SLFN5: variants seen among roughly 807,000 people sequenced by gnomAD.
The protein encoded by SLFN5 is schlafen family member 5.
Under a neutral mutation model 48.5 loss-of-function variants are expected in SLFN5, and 34 were observed. That is an observed-to-expected ratio of 0.70 (90% CI 0.53 to 0.93). The LOEUF is 0.93. Among genes scored for constraint, SLFN5 ranks in the 40% least tolerant of loss-of-function variants. The pLI is 0.00. For synonymous variants in SLFN5, 387 were observed against 396.2 expected, an observed-to-expected ratio of 0.98 and a Z score of 0.28; for missense variants, 1,006 against 1,071.3, an observed-to-expected ratio of 0.94 and a Z score of 0.85.
rs1904867782 is a variant in SLFN5, at chr17:35,272,905, AGTT to A, written c.*7018_*7020del. ...CTTCTACTGAGAACAATCCGGCAGT[AGTT>A]AACAAAATTGTGAATGCATATATCT... is the stretch of plus-strand genomic sequence containing the variant. On this transcript the variant is annotated 3_prime_UTR_variant, in exon 5 of 5. Transcript: ENST00000299977. 1 of 152,210 alleles carries A rather than the reference AGTT, an allele frequency of 6.6e-6. No homozygotes were observed. Among genetic ancestry groups the A allele is most frequent in the South Asian group, 2.1e-4 (1 of 4,836 alleles). The allele number at this position is 152,210 out of a possible 1,614,324, so 9.4% of individuals were successfully genotyped here. A position where few individuals can be genotyped will look rare whatever the true frequency, so the allele number is the denominator to read the frequency against.
At chr17:35,254,287 A>G (rs2092449841) in intron 1 of SLFN5, among the ~76,000 whole-genome samples, 2 of 152,028 alleles carry the variant, frequency 1.3e-5, no homozygotes, top group South Asian at 4.1e-4. Context: ...TGTCAATTGC[A>G]TGGTCTTAGG....
Position 35,264,640 on chromosome 17 carries a change from C to T in SLFN5, c.1596C>T (p.Ser532=), listed in dbSNP as rs772485758. ...AGCACATGGAAGCCCTGTTACAGTC[C>T]CTCGTGATAGTCTTGCTTGGGTTCA... ...TPQHMEALLQ[S]LVIVLLGFKS... is the part of the protein sequence containing the mutation. The change falls in exon 4 of 5, where the codon TCC becomes TCT. Residue 532 remains serine (S), a synonymous_variant. Coordinates refer to ENST00000299977, the MANE Select transcript of SLFN5 (RefSeq NM_144975.4). 9 of 1,614,098 alleles carry T rather than the reference C, an allele frequency of 5.6e-6. No individual in the cohort carries two copies. In the Admixed American group the frequency reaches 1.3e-4, roughly 24 times the overall value.
chr17:35,265,915 T>C lies in SLFN5; in HGVS notation c.*27T>C. The C allele has an allele frequency of 6.5e-7, 1 of 1,547,096 alleles. No individual in the cohort carries two copies. Among genetic ancestry groups the C allele is most frequent in the Non-Finnish European group, 8.7e-7 (1 of 1,150,274 alleles). ...AGGAAACCCAAGCCTAAGAAACAAT[T>C]AAGTGGTTCTCATCTCTAATTAACT... On this transcript the variant is annotated 3_prime_UTR_variant, in exon 5 of 5. Transcript: ENST00000299977.
chr17:35,244,324 T>TA (rs1358981055), intron 1 of SLFN5, among the ~76,000 whole-genome samples: 1 of 152,026 alleles, frequency 6.6e-6, no homozygotes, highest in Non-Finnish European at 1.5e-5. Context: ...CCTTTGTCAC[T>TA]AGTGCAGGCA....
chr17:35,264,318 G>C lies in SLFN5; in HGVS notation c.1274G>C (p.Trp425Ser), dbSNP rs1904609588. 2 of 1,614,020 alleles carry C rather than the reference G, an allele frequency of 1.2e-6. No individual in the cohort carries two copies. The highest frequency in any genetic ancestry group is 2.7e-5 in the African/African-American group (2 of 74,896). ...GGAATATTGATTTTTTCTCAAAGCT[G>C]GGCTGTGGATTTAGGTCTGCAAGAG... ...SQGILIFSQS[W>S]AVDLGLQEKQ... The change falls in exon 4 of 5, where the codon TGG (tryptophan) becomes TCG (serine). Residue 425 changes from tryptophan (W) to serine (S), a missense_variant. Trp to Ser is a radical substitution (Grantham distance 177, BLOSUM62 -3). Transcript: ENST00000299977.
Position 35,265,638 on chromosome 17 carries a change from C to G in SLFN5, c.2426C>G (p.Thr809Arg). The change falls in exon 5 of 5, where the codon ACA (threonine) becomes AGA (arginine). Residue 809 changes from threonine (T) to arginine (R), a missense_variant. Thr to Arg is a moderately conservative substitution (Grantham distance 71). Transcript: ENST00000299977. ...EVEKYKDRLL[T>R]AMRKRKLSQL... is the part of the protein sequence containing the mutation. ...GAAAAATATAAAGACAGGCTTCTAA[C>G]AGCAATGAGGAAGAGAAAACTGTCT... 1 of 1,614,226 alleles carries G rather than the reference C, an allele frequency of 6.2e-7. No individual in the cohort carries two copies.
intron 1 of SLFN5, among the ~76,000 whole-genome samples, chr17:35,252,625 T>G (rs2092445019): frequency 6.6e-6 from 1 of 152,328 alleles, no homozygotes; most frequent in South Asian, 2.1e-4. Context: ...TCAGTATTTT[T>G]TTTTTTCACA....
intron 1 of SLFN5, among the ~76,000 whole-genome samples, chr17:35,251,898 G>C (rs55764528): frequency 5.3e-5 from 8 of 151,846 alleles, no homozygotes; most frequent in South Asian, 2.1e-4. Context: ...AATTTTAGTA[G>C]AAACAGGGTT....
chr17:35,263,526 T>C (rs1904580380), intron 3 of SLFN5, among the ~76,000 whole-genome samples: 1 of 152,126 alleles, frequency 6.6e-6, no homozygotes, highest in African/African-American at 2.4e-5. Context: ...AGTCATCCTT[T>C]AATAATCAGC....
chr17:35,249,465 A>G (rs2092437653), intron 1 of SLFN5, among the ~76,000 whole-genome samples: 1 of 152,232 alleles, frequency 6.6e-6, no homozygotes. Context: ...AACTATAAAT[A>G]CAGGTGGTCA....
chr17:35,253,106 G>A (rs2092446167), intron 1 of SLFN5, among the ~76,000 whole-genome samples: 1 of 152,042 alleles, frequency 6.6e-6, no homozygotes. Flanking sequence ...TATCTGGAGA[G>A]GGCCCTCATA....
At position 35,269,519 on chromosome 17, in the gene SLFN5, A is replaced by G. The variant is rs1272414380; in HGVS notation, c.*3631A>G. The G allele has an allele frequency of 6.6e-6, 1 of 152,220 alleles. No homozygotes were observed. The highest frequency in any genetic ancestry group is 1.5e-5 in the Non-Finnish European group (1 of 68,030). 9.4% of individuals were successfully genotyped at this position (152,220 alleles called of 1,614,324 possible). A position where few individuals can be genotyped will look rare whatever the true frequency, so the allele number is the denominator to read the frequency against. ...CAAACAAAAATAATTTATTGGAATC[A>G]TTAGGGAGGACCTGATAGAATAAAA... is the stretch of plus-strand genomic sequence containing the variant. On this transcript the variant is annotated 3_prime_UTR_variant, in exon 5 of 5. Coordinates refer to ENST00000299977, the MANE Select transcript of SLFN5 (RefSeq NM_144975.4).
intron 1 of SLFN5, among the ~76,000 whole-genome samples, chr17:35,257,434 T>C (rs34531352): frequency 0.33 from 49,494 of 152,054 alleles, 9,994 homozygotes; most frequent in Middle Eastern, 0.51. Context: ...GACAGGTGGC[T>C]TTTCCTGGCA....
At chr17:35,246,435 T>G (rs1370578603) in intron 1 of SLFN5, among the ~76,000 whole-genome samples, 1 of 152,208 alleles carries the variant, frequency 6.6e-6, no homozygotes, top group African/African-American at 2.4e-5. Context: ...ATTAGCACCA[T>G]TCTGATGCTC....
rs139559961 is a variant in SLFN5 at position 35,269,444 on chromosome 17, A to C, written c.*3556A>C. 2 of 152,322 alleles carry C rather than the reference A, an allele frequency of 1.3e-5. No homozygotes were observed. The highest frequency in any genetic ancestry group is 4.8e-5 in the African/African-American group (2 of 41,576). The allele number at this position is 152,322 out of a possible 1,614,324, so 9.4% of individuals were successfully genotyped here. On this transcript the variant is annotated 3_prime_UTR_variant, in exon 5 of 5. Coordinates refer to ENST00000299977, the MANE Select transcript of SLFN5 (RefSeq NM_144975.4). ...GTAAAAATATTTTTATATCAGATAGATTCTTCTGTTTCAATCCATAAAACC... is the reference window on the plus strand; with the variant it reads ...GTAAAAATATTTTTATATCAGATAGCTTCTTCTGTTTCAATCCATAAAACC...
intron 1 of SLFN5, among the ~76,000 whole-genome samples, chr17:35,256,702 G>T (rs944713690): frequency 6.6e-6 from 1 of 152,134 alleles, no homozygotes; most frequent in African/African-American, 2.4e-5. Flanking sequence ...CTTCCTTTTA[G>T]TGATTGCCTT....
chr17:35,252,530 T>A (rs1007128082), intron 1 of SLFN5, among the ~76,000 whole-genome samples: 2 of 152,238 alleles, frequency 1.3e-5, no homozygotes, highest in East Asian at 1.9e-4. Flanking sequence ...TTTGTTCCTC[T>A]ATAGATAATG....
In SLFN5 at chr17:35,265,216, C is replaced by T. The variant is rs1174434860; in HGVS notation, c.2004C>T (p.Ile668=). The part of the protein sequence containing the change: ...DGDWYGKAKF[I]TQTARDGPGV... ...ACTGGTATGGGAAAGCAAAGTTCAT[C>T]ACTCAGACAGCAAGGGATGGCCCAG... Residue 668 remains isoleucine, a synonymous_variant, in exon 5 of 5, where the codon ATC becomes ATT. Coordinates refer to ENST00000299977, the MANE Select transcript of SLFN5 (RefSeq NM_144975.4). 1 of 1,614,222 alleles carries T rather than the reference C, an allele frequency of 6.2e-7. No homozygotes were observed. The highest frequency in any genetic ancestry group is 1.1e-5 in the South Asian group (1 of 91,082).
intron 1 of SLFN5, among the ~76,000 whole-genome samples, chr17:35,257,371 T>TA (rs1904374672): frequency 6.6e-6 from 1 of 152,126 alleles, no homozygotes; most frequent in African/African-American, 2.4e-5. Flanking sequence ...AGGTCTTAGA[T>TA]ACAATTAATT....
Sources: gnomAD v4.1 joint callset for allele counts (sites outside exome capture counted in the v4.1 genomes callset) on GRCh38, gnomAD v4.1.1 for gene constraint, MANE v1.5 for transcripts, NCBI Gene and HGNC (gene_info 2026-07-23, HGNC 2026-07-21) for gene names.